The following IKZF1 variants were observed in gnomAD, a reference collection of about 807,000 sequenced individuals.
The protein encoded by IKZF1 is IKAROS family zinc finger 1.
Under a neutral mutation model 51.7 loss-of-function variants are expected in IKZF1, and 10 were observed. That is an observed-to-expected ratio of 0.19 (90% confidence interval 0.12 to 0.33). The LOEUF (loss-of-function observed/expected upper bound fraction) is 0.33, where lower values mean the gene tolerates loss of function less well. IKZF1 is among the 10% of genes least tolerant of loss of function. The pLI, the probability that IKZF1 is intolerant of heterozygous loss-of-function variation, is 1.00. For missense variants in IKZF1, 484 were observed against 707.5 expected (o/e 0.68, Z 3.58); for synonymous variants, 280 against 282.3 (o/e 0.99, Z 0.08).
At chr7:50,369,235 T>C (rs1807927532) in intron 3 of IKZF1, 2 of 328,824 alleles carry the variant, frequency 6.1e-6, no homozygotes, top group East Asian at 8.8e-5. Flanking sequence ...AGAATCATAT[T>C]GTTGAAGTAT....
intron 2 of IKZF1, among the ~76,000 whole-genome samples, chr7:50,322,689 A>G (rs1187867294): frequency 2.6e-5 from 4 of 152,090 alleles, no homozygotes; most frequent in Non-Finnish European, 5.9e-5. Context: ...ATACCTATGC[A>G]TTATTTTTTG....
intron 4 of IKZF1, among the ~76,000 whole-genome samples, chr7:50,379,553 GGAGA>G (rs1193532526): frequency 1.3e-5 from 2 of 152,210 alleles, no homozygotes; most frequent in Admixed American, 6.5e-5. Context: ...GAACCAGAGA[GGAGA>G]GAGGTAGGAA....
At chr7:50,322,106 C>T (rs769246411) in intron 2 of IKZF1, among the ~76,000 whole-genome samples, 1 of 152,134 alleles carries the variant, frequency 6.6e-6, no homozygotes, top group Non-Finnish European at 1.5e-5. Context: ...TCTACTTCTT[C>T]GAGTTTGATC....
chr7:50,356,899 G>A (rs573369739), intron 3 of IKZF1, among the ~76,000 whole-genome samples: 5 of 151,816 alleles, frequency 3.3e-5, no homozygotes, highest in African/African-American at 7.3e-5. Context: ...AGGGAAGGGC[G>A]GAAGATCACG....
At chr7:50,350,050 C>T (rs1227458592) in intron 3 of IKZF1, among the ~76,000 whole-genome samples, 5 of 152,208 alleles carry the variant, frequency 3.3e-5, no homozygotes, top group Non-Finnish European at 7.3e-5. Context: ...TCTCAGCAGA[C>T]ATGGGAAGAG....
Position 50,397,043 on chromosome 7 carries a change from G to T in IKZF1, c.851-2875G>T, listed in dbSNP as rs552500939. ...GCTTTTCTGATCAGAACAGGGAAAA[G>T]ATACCTATCTGAATCATGTCTTTAT... On this transcript the variant is annotated intron_variant, in intron 7 of 7. Transcript: ENST00000331340. Among the ~76,000 whole-genome samples the T allele has an allele frequency of 4.6e-5, 7 of 152,338 alleles. No homozygotes were observed. In the South Asian group the frequency reaches 1.4e-3, roughly 32 times the overall value.
chr7:50,399,726 C>A (rs1817639773), intron 7 of IKZF1, among the ~76,000 whole-genome samples, 192 bp from the exon 8 acceptor site: 1 of 152,148 alleles, frequency 6.6e-6, no homozygotes, highest in African/African-American at 2.4e-5. Context: ...TCCCCCAGCC[C>A]GTCAGTATGG....
intron 7 of IKZF1, among the ~76,000 whole-genome samples, chr7:50,394,660 C>T (rs1816175468): frequency 6.6e-6 from 1 of 152,186 alleles, no homozygotes; most frequent in Non-Finnish European, 1.5e-5. Flanking sequence ...CACTAGAAAG[C>T]ATCTTAAGAA....
At chr7:50,357,816 C>T (rs1029877951) in intron 3 of IKZF1, among the ~76,000 whole-genome samples, 9 of 152,272 alleles carry the variant, frequency 5.9e-5, no homozygotes, top group East Asian at 1.9e-4. Context: ...AGGGAGGCAA[C>T]GAGTTAAGAA....
intron 3 of IKZF1, among the ~76,000 whole-genome samples, chr7:50,346,300 T>C (rs1328324017): frequency 2.0e-5 from 3 of 152,212 alleles, no homozygotes; most frequent in Admixed American, 6.5e-5. Flanking sequence ...ACCTCGCCTA[T>C]TGAGAACCCT....
intron 3 of IKZF1, among the ~76,000 whole-genome samples, chr7:50,365,834 T>G (rs912033821): frequency 2.0e-5 from 3 of 152,222 alleles, no homozygotes; most frequent in Admixed American, 2.0e-4. Flanking sequence ...ATTTGTTTGT[T>G]GCAGCACTAT....
At chr7:50,396,475 C>T (rs968493699) in intron 7 of IKZF1, among the ~76,000 whole-genome samples, 1 of 152,104 alleles carries the variant, frequency 6.6e-6, no homozygotes, top group African/African-American at 2.4e-5. Context: ...AAAATTGATT[C>T]CATGTTATGA....
intron 3 of IKZF1, among the ~76,000 whole-genome samples, chr7:50,354,193 A>C (rs2153434745): frequency 6.6e-6 from 1 of 152,338 alleles, no homozygotes; most frequent in South Asian, 2.1e-4. Context: ...CAGCAAGCCC[A>C]ACACAGGTGC....
chr7:50,390,960 A>G (rs1385200308), intron 6 of IKZF1, among the ~76,000 whole-genome samples: 1 of 152,226 alleles, frequency 6.6e-6, no homozygotes, highest in African/African-American at 2.4e-5. Flanking sequence ...TTACATTATC[A>G]TCTCCTTATA....
At chr7:50,361,899 C>T (rs1805372964) in intron 3 of IKZF1, among the ~76,000 whole-genome samples, 1 of 152,142 alleles carries the variant, frequency 6.6e-6, no homozygotes, top group East Asian at 1.9e-4. Context: ...AAGCTAATCC[C>T]ATAAAAGAAC....
intron 3 of IKZF1, chr7:50,328,109 G>C (rs1418027656): frequency 5.5e-6 from 1 of 182,830 alleles, no homozygotes; most frequent in East Asian, 1.4e-4. Context: ...ACGTGTTTTG[G>C]CAACAGTGCT....
chr7:50,364,187 T>C (rs1191371488), intron 3 of IKZF1, among the ~76,000 whole-genome samples: 1 of 152,178 alleles, frequency 6.6e-6, no homozygotes, highest in African/African-American at 2.4e-5. Flanking sequence ...AGGTTTAGCC[T>C]CTCCCCAGAG....
At chr7:50,368,605 C>G (rs552275636) in intron 3 of IKZF1, 8 of 446,456 alleles carry the variant, frequency 1.8e-5, no homozygotes, top group Non-Finnish European at 3.2e-5. Context: ...GCTTGGTGCC[C>G]GCAGGACCTT....
Position 50,319,038 on chromosome 7 carries a change from T to C in IKZF1, c.-14-10T>C. 6.2e-7 allele frequency: 1 copy of C among 1,602,156 alleles called. No homozygotes were observed. Among genetic ancestry groups the C allele is most frequent in the Non-Finnish European group, 8.5e-7 (1 of 1,169,740 alleles). ...TGCTTTAAACTAAAATCCCTTCCTC[T>C]CTTTCTCAGATAACCTGAGGACCAT... On this transcript the variant is annotated splice_polypyrimidine_tract_variant and intron_variant, in intron 1 of 7. Coordinates refer to ENST00000331340, the MANE Select transcript of IKZF1 (RefSeq NM_006060.6).
Sources: gnomAD v4.1 joint callset for allele counts (sites outside exome capture counted in the v4.1 genomes callset) on GRCh38, gnomAD v4.1.1 for gene constraint, MANE v1.5 for transcripts, NCBI Gene and HGNC (gene_info 2026-07-23, HGNC 2026-07-21) for gene names.